ABCB1: variants seen among roughly 807,000 people sequenced by gnomAD.
ABCB1 encodes the protein ATP-dependent translocase ABCB1.
A neutral mutation model predicts 142.0 loss-of-function variants in ABCB1; 69 were observed. The observed-to-expected ratio is 0.49, with a 90% CI of 0.40 to 0.59. ABCB1 has a LOEUF of 0.59. Ranked by LOEUF, ABCB1 falls within the 20% of genes least tolerant of loss-of-function variation. The pLI, the probability that ABCB1 is intolerant of heterozygous loss-of-function variation, is 0.00. For synonymous variants in ABCB1, 532 were observed against 539.2 expected (o/e 0.99, Z 0.18); for missense variants, 1,326 against 1,554.7 (o/e 0.85, Z 2.47).
chr7:87,519,529 T>G, intron 22 of ABCB1, 63 bp from the exon 23 acceptor site: 5 of 1,607,012 alleles, frequency 3.1e-6, no homozygotes, highest in Non-Finnish European at 4.2e-6. Flanking sequence ...AATGTAACTT[T>G]TGATAGGTTG....
intron 1 of ABCB1, among the ~76,000 whole-genome samples, chr7:87,666,108 A>G (rs1175627280): frequency 6.6e-6 from 1 of 152,150 alleles, no homozygotes; most frequent in African/African-American, 2.4e-5. Context: ...TTCTAACAGC[A>G]GTGTATAAGC....
chr7:87,605,684 A>C (rs953320015), upstream of ABCB1, among the ~76,000 whole-genome samples: 11 of 152,210 alleles, frequency 7.2e-5, no homozygotes, highest in African/African-American at 2.4e-4. Flanking sequence ...ACTGCTCAAA[A>C]GACTTGATTT....
chr7:87,584,837 CACTCAG>C (rs747886525), intron 4 of ABCB1, among the ~76,000 whole-genome samples: 5 of 152,026 alleles, frequency 3.3e-5, no homozygotes, highest in African/African-American at 7.2e-5. Context: ...TCAAGGATAT[CACTCAG>C]CAAATCTCTT....
chr7:87,651,998 A>G (rs1266887172), intron 1 of ABCB1, among the ~76,000 whole-genome samples: 3 of 152,088 alleles, frequency 2.0e-5, no homozygotes, highest in Admixed American at 2.0e-4. Flanking sequence ...TCTGCCATTA[A>G]TGTTACCTTT....
At chr7:87,523,561 G>A (rs1232148207) in intron 21 of ABCB1, among the ~76,000 whole-genome samples, 1 of 152,194 alleles carries the variant, frequency 6.6e-6, no homozygotes, top group South Asian at 2.1e-4. Flanking sequence ...GACAGAGATT[G>A]CAGTGAGTCA....
At chr7:87,705,190 T>C (rs1829478129) in intron 1 of ABCB1, among the ~76,000 whole-genome samples, 1 of 152,194 alleles carries the variant, frequency 6.6e-6, no homozygotes, top group South Asian at 2.1e-4. Flanking sequence ...TTTGGGAGGC[T>C]GAGGCAGGTG....
intron 6 of ABCB1, 130 bp downstream of exon 6, chr7:87,566,655 T>C (rs1817794356): frequency 6.4e-6 from 6 of 941,060 alleles, no homozygotes. Flanking sequence ...TGTTGCTGCT[T>C]AGAAGGAATT....
chr7:87,571,636 T>C (rs955850715), intron 4 of ABCB1, among the ~76,000 whole-genome samples: 3 of 152,116 alleles, frequency 2.0e-5, no homozygotes, highest in Non-Finnish European at 2.9e-5. Flanking sequence ...AGAATGCTAG[T>C]GTCATGGTGG....
chr7:87,589,795 G>A (rs925084295), intron 3 of ABCB1, among the ~76,000 whole-genome samples: 1 of 143,720 alleles, frequency 7.0e-6, no homozygotes, highest in African/African-American at 2.8e-5. Context: ...AAGAAAGAGA[G>A]AGAGAGAGAG....
intron 4 of ABCB1, among the ~76,000 whole-genome samples, chr7:87,581,291 A>G (rs747236341): frequency 2.0e-5 from 3 of 151,828 alleles, no homozygotes; most frequent in Non-Finnish European, 4.4e-5. Context: ...ATTTAGTGTC[A>G]TTTCTTCAAC....
At chr7:87,531,677 G>C in intron 20 of ABCB1, 180 bp from the exon 21 acceptor site, 1 of 608,770 alleles carries the variant, frequency 1.6e-6, no homozygotes, top group Non-Finnish European at 2.9e-6. Flanking sequence ...CATGACTTCA[G>C]AATGCTGAAA....
intron 1 of ABCB1, among the ~76,000 whole-genome samples, chr7:87,684,555 T>G (rs188680372): frequency 5.3e-5 from 8 of 152,138 alleles, no homozygotes; most frequent in Non-Finnish European, 7.4e-5. Context: ...GAGACCATCC[T>G]GGCCAACATG....
intron 1 of ABCB1, among the ~76,000 whole-genome samples, chr7:87,639,458 T>G (rs1822207838): frequency 6.6e-6 from 1 of 152,210 alleles, no homozygotes; most frequent in Admixed American, 6.5e-5. Context: ...ACTTGTTTTT[T>G]GTATACTCTT....
chr7:87,514,544 A>G (rs1436744838), intron 25 of ABCB1, among the ~76,000 whole-genome samples: 1 of 152,048 alleles, frequency 6.6e-6, no homozygotes, highest in Non-Finnish European at 1.5e-5. Flanking sequence ...TCTCTCCATC[A>G]ATGATTTTGT....
chr7:87,519,620 C>T (rs1056663666), intron 22 of ABCB1, among the ~76,000 whole-genome samples, 154 bp from the exon 23 acceptor site: 1 of 152,214 alleles, frequency 6.6e-6, no homozygotes, highest in Non-Finnish European at 1.5e-5. Context: ...TTACACTTAA[C>T]AGTTGTGCAA....
At chr7:87,677,376 G>C (rs1826482872) in intron 1 of ABCB1, among the ~76,000 whole-genome samples, 1 of 146,546 alleles carries the variant, frequency 6.8e-6, no homozygotes, top group Admixed American at 6.8e-5. Context: ...TGCAGTAACA[G>C]ATGAACCTGG....
chr7:87,617,084 G>T (rs995663033), intron 1 of ABCB1, among the ~76,000 whole-genome samples: 1 of 152,132 alleles, frequency 6.6e-6, no homozygotes, highest in African/African-American at 2.4e-5. Context: ...AGTTCTTCCT[G>T]AGCCTGCAAT....
Position 87,585,597 on chromosome 7 carries a change from G to T in ABCB1, c.201C>A (p.Leu67=). 1.2e-6 allele frequency: 2 copies of T among 1,614,022 alleles called. No homozygotes were observed. The highest frequency in any genetic ancestry group is 1.7e-6 in the Non-Finnish European group (2 of 1,179,914). ...TCATTTCTCCAAACACCAGCATCAT[G>T]AGAGGAAGTCCAGCCCCATGGATGA... The part of the protein sequence containing the change: ...AAIIHGAGLP[L]MMLVFGEMTD... Residue 67 remains leucine, a synonymous_variant, in exon 4 of 28, where the codon CTC becomes CTA. Coordinates refer to ENST00000622132, the MANE Select transcript of ABCB1 (RefSeq NM_001348946.2).
chr7:87,625,989 TAC>T, intron 1 of ABCB1, among the ~76,000 whole-genome samples: 2 of 144,604 alleles, frequency 1.4e-5, no homozygotes, highest in East Asian at 4.0e-4. Context: ...TATATATATG[TAC>T]ATATATATGT....
Sources: allele counts gnomAD v4.1 joint callset (sites outside exome capture counted in the v4.1 genomes callset), GRCh38; gene constraint gnomAD v4.1.1; transcripts MANE v1.5; gene names NCBI Gene and HGNC (gene_info 2026-07-23, HGNC 2026-07-21).